The following RBFOX1 variants were observed in gnomAD, a reference collection of about 807,000 sequenced individuals.
RBFOX1 encodes RNA binding protein fox-1 homolog 1.
Under a neutral mutation model 57.7 loss-of-function variants are expected in RBFOX1, and 8 were observed. The observed-to-expected ratio is 0.14, with a 90% CI of 0.08 to 0.25. The LOEUF (loss-of-function observed/expected upper bound fraction) is 0.25, where lower values mean the gene tolerates loss of function less well. Ranked by LOEUF, RBFOX1 falls within the 10% of genes least tolerant of loss-of-function variation. The pLI, the probability that RBFOX1 is intolerant of heterozygous loss-of-function variation, is 1.00. For synonymous variants in RBFOX1, 326 were observed against 222.4 expected (o/e 1.47, Z -4.15); for missense variants, 611 against 548.5 (o/e 1.11, Z -1.14).
chr16:6,958,131 G>A lies in RBFOX1; in HGVS notation c.-15-93926G>A, dbSNP rs568076808. On this transcript the variant is annotated intron_variant, in intron 3 of 15. Coordinates refer to ENST00000550418, the MANE Select transcript of RBFOX1 (RefSeq NM_018723.4). ...AGAAATGGGTGACCGGATTTTGCAC[G>A]TTTTTTGAGAAGCAAGGGGAGGGGA... is the stretch of plus-strand genomic sequence containing the variant. 6.6e-5 allele frequency among the ~76,000 whole-genome samples: 10 copies of A among 152,230 alleles called. No individual in the cohort carries two copies. In the East Asian group the frequency reaches 1.7e-3, roughly 26 times the overall value.
chr16:6,846,599 C>G (rs1304744206), intron 3 of RBFOX1, among the ~76,000 whole-genome samples: 1 of 152,178 alleles, frequency 6.6e-6, no homozygotes, highest in East Asian at 1.9e-4. Flanking sequence ...TGTGGAAACG[C>G]ACGAAGACCT....
intron 1 of RBFOX1, among the ~76,000 whole-genome samples, chr16:6,253,675 A>T (rs369620514): frequency 1.4e-5 from 2 of 144,908 alleles, no homozygotes; most frequent in African/African-American, 5.0e-5. Flanking sequence ...GTGTGTGTGC[A>T]TGTGTGTGTG....
chr16:7,610,041 C>A (rs766046463), intron 10 of RBFOX1, among the ~76,000 whole-genome samples: 5 of 150,738 alleles, frequency 3.3e-5, no homozygotes, highest in Non-Finnish European at 5.9e-5. Context: ...TGGTCTCCAT[C>A]TCCTGACCTC....
At chr16:7,222,926 T>A (rs1331535255) in intron 4 of RBFOX1, among the ~76,000 whole-genome samples, 1 of 152,158 alleles carries the variant, frequency 6.6e-6, no homozygotes, top group Non-Finnish European at 1.5e-5. Context: ...ACCAGTCCTC[T>A]CATTTGCAGC....
At chr16:6,956,449 T>G (rs1201564980) in intron 3 of RBFOX1, among the ~76,000 whole-genome samples, 1 of 152,206 alleles carries the variant, frequency 6.6e-6, no homozygotes, top group African/African-American at 2.4e-5. Flanking sequence ...GTAAGCTACA[T>G]GCTGGGCTTT....
chr16:5,702,166 G>C lies in RBFOX1; in HGVS notation c.318+103205G>C, dbSNP rs1432262845. On this transcript the variant is annotated intron_variant, in intron 3 of 19. Transcript: ENST00000641259. Reference sequence around the variant, plus strand: ...GAGACTGGGTAATTTATGAAGAAAAGAGGTTTCATTGACTCAGTTCCACAG... The same window carrying C: ...GAGACTGGGTAATTTATGAAGAAAACAGGTTTCATTGACTCAGTTCCACAG... Among the ~76,000 whole-genome samples the C allele has an allele frequency of 2.0e-5, 3 of 152,160 alleles. No individual in the cohort carries two copies. The East Asian group carries it at 5.8e-4, about 29-fold the overall frequency.
rs369384694 is a variant in RBFOX1, at chr16:7,302,540, C to T, written c.28-215607C>T. 6.6e-5 allele frequency among the ~76,000 whole-genome samples: 10 copies of T among 151,514 alleles called. No individual in the cohort carries two copies. In the South Asian group the frequency reaches 2.1e-3, roughly 32 times the overall value. ...CCCTCTCAGGTACGGTTCCGTCCTG[C>T]AGGTCAGTGAGAAGCTGTCAGCAAG... On this transcript the variant is annotated intron_variant, in intron 4 of 15. Coordinates refer to ENST00000550418, the MANE Select transcript of RBFOX1 (RefSeq NM_018723.4).
chr16:5,902,045 A>T (rs1210550031), intron 4 of RBFOX1, among the ~76,000 whole-genome samples: 4 of 152,200 alleles, frequency 2.6e-5, no homozygotes, highest in Non-Finnish European at 4.4e-5. Context: ...TATAACGTGG[A>T]TGGGGTTCAA....
intron 1 of RBFOX1, among the ~76,000 whole-genome samples, chr16:5,331,407 C>G (rs74003877): frequency 2.1e-3 from 318 of 152,298 alleles, no homozygotes; most frequent in African/African-American, 7.3e-3. Flanking sequence ...CTTGGCTAGA[C>G]TCATTCATGT....
intron 3 of RBFOX1, among the ~76,000 whole-genome samples, chr16:5,640,376 TCATG>T (rs199874101): frequency 0.013 from 1,986 of 152,034 alleles, 41 homozygotes; most frequent in African/African-American, 0.043. Context: ...CACATGTACA[TCATG>T]CATGCATGCA....
intron 4 of RBFOX1, among the ~76,000 whole-genome samples, chr16:7,335,584 GAAAAAAAAAAAAAAA>G (rs959362612): frequency 3.9e-4 from 29 of 74,678 alleles, no homozygotes; most frequent in Admixed American, 1.2e-3. Flanking sequence ...CTCAGATAAA[GAAAAAAAAAAAAAAA>G]AAAAAAAAAA....
At chr16:5,264,777 T>C (rs1487959992) in intron 1 of RBFOX1, among the ~76,000 whole-genome samples, 1 of 152,106 alleles carries the variant, frequency 6.6e-6, no homozygotes, top group Non-Finnish European at 1.5e-5. Context: ...CAGGGCTCTC[T>C]AGCATTCTTC....
intron 1 of RBFOX1, among the ~76,000 whole-genome samples, chr16:5,295,258 C>T (rs535941412): frequency 5.9e-5 from 9 of 152,158 alleles, no homozygotes; most frequent in African/African-American, 1.7e-4. Context: ...AGACTGAGAC[C>T]AGAACTCTGA....
At chr16:6,957,620 G>C (rs537938110) in intron 3 of RBFOX1, among the ~76,000 whole-genome samples, 1 of 152,150 alleles carries the variant, frequency 6.6e-6, no homozygotes, top group African/African-American at 2.4e-5. Flanking sequence ...TTATCAGCAA[G>C]GTCTTTATGA....
At chr16:5,861,527 G>A (rs965854501) in intron 3 of RBFOX1, among the ~76,000 whole-genome samples, 1 of 152,204 alleles carries the variant, frequency 6.6e-6, no homozygotes, top group South Asian at 2.1e-4. Flanking sequence ...TCCCACCTGG[G>A]ACTCCTACAT....
intron 3 of RBFOX1, among the ~76,000 whole-genome samples, chr16:5,816,521 C>T (rs989168531): frequency 2.0e-5 from 3 of 152,144 alleles, no homozygotes; most frequent in Non-Finnish European, 4.4e-5. Context: ...ATTATTATGC[C>T]TGGCCAGGCA....
At chr16:5,969,460 T>C (rs1487463429) in intron 4 of RBFOX1, among the ~76,000 whole-genome samples, 1 of 149,810 alleles carries the variant, frequency 6.7e-6, no homozygotes, top group Non-Finnish European at 1.5e-5. Flanking sequence ...TACAGGCACA[T>C]GCCATCACGC....
intron 3 of RBFOX1, among the ~76,000 whole-genome samples, 156 bp downstream of exon 3, chr16:6,654,806 A>G (rs1385470159): frequency 6.6e-6 from 1 of 152,090 alleles, no homozygotes; most frequent in Non-Finnish European, 1.5e-5. Context: ...AATGCTTGTC[A>G]TTTTACTCCT....
intron 3 of RBFOX1, among the ~76,000 whole-genome samples, chr16:6,927,540 T>A (rs1487835368): frequency 6.6e-6 from 1 of 151,976 alleles, no homozygotes; most frequent in East Asian, 1.9e-4. Context: ...TTCTTTGTTT[T>A]GTTTTGTTTT....
Sources: gnomAD v4.1 joint callset for allele counts (sites outside exome capture counted in the v4.1 genomes callset) on GRCh38, gnomAD v4.1.1 for gene constraint, MANE v1.5 for transcripts, NCBI Gene and HGNC (gene_info 2026-07-23, HGNC 2026-07-21) for gene names.